CAPN14: variants seen among roughly 807,000 people sequenced by gnomAD.
The protein encoded by CAPN14 is calpain-14.
CAPN14 carries 94 observed loss-of-function variants against 101.3 expected under a neutral mutation model. The ratio of observed to expected loss-of-function variants is 0.93; its 90% CI spans 0.79 to 1.10. The LOEUF (loss-of-function observed/expected upper bound fraction) is 1.10, where lower values mean the gene tolerates loss of function less well. CAPN14 is among the 50% of genes least tolerant of loss of function. The pLI is 0.00. For missense variants in CAPN14, 837 were observed against 828.4 expected (o/e 1.01, Z -0.13); for synonymous variants, 338 against 317.9 (o/e 1.06, Z -0.67).
intron 13 of CAPN14, 75 bp downstream of exon 13, chr2:31,189,198 A>G: frequency 7.4e-7 from 1 of 1,354,012 alleles, no homozygotes; most frequent in Non-Finnish European, 1.0e-6. Flanking sequence ...GGTTTCTGCC[A>G]TTTCCAACCT....
chr2:31,191,935 C>A lies in CAPN14; in HGVS notation c.1278G>T (p.Arg426Ser), dbSNP rs538574900. 5.0e-5 allele frequency: 78 copies of A among 1,548,586 alleles called. 2 individuals are homozygous for A. In the South Asian group the frequency reaches 8.7e-4, roughly 17 times the overall value. The change falls in exon 11 of 22, where the codon AGG (arginine) becomes AGT (serine). Residue 426 changes from arginine (R) to serine (S), a missense_variant and splice_region_variant. Physicochemically the swap from Arg to Ser is moderately radical, Grantham distance 110 (BLOSUM62 -1). Transcript: ENST00000403897. ...PLLAIGFYLY[R>S]MNKYHDDQRR... ...CCCTGTGGTTCAGAGGTCCACCTAC[C>A]CTATACAGGTAGAAGCCAATGGCGA...
At chr2:31,176,712 A>G in intron 20 of CAPN14, 70 bp from the exon 21 acceptor site, 1 of 1,364,290 alleles carries the variant, frequency 7.3e-7, no homozygotes, top group Non-Finnish European at 1.0e-6. Flanking sequence ...AGTTCCTCCC[A>G]TATGTCTCAC....
chr2:31,222,259 A>T (rs1682881858), upstream of CAPN14, among the ~76,000 whole-genome samples: 1 of 152,228 alleles, frequency 6.6e-6, no homozygotes, highest in Non-Finnish European at 1.5e-5. Flanking sequence ...TAAGTCTTTG[A>T]GTCTGGGCTT....
At chr2:31,212,098 T>C (rs1682428298) in intron 1 of CAPN14, among the ~76,000 whole-genome samples, 1 of 152,040 alleles carries the variant, frequency 6.6e-6, no homozygotes. Flanking sequence ...TCACTTGAGG[T>C]CAAGAGTTCA....
intron 3 of CAPN14, among the ~76,000 whole-genome samples, chr2:31,202,608 A>G (rs1474177282): frequency 6.6e-6 from 1 of 152,140 alleles, no homozygotes; most frequent in East Asian, 1.9e-4. Flanking sequence ...TCAATCCTTC[A>G]GGACTCCATT....
intron 16 of CAPN14, among the ~76,000 whole-genome samples, chr2:31,184,780 A>G (rs12477841): frequency 0.33 from 50,771 of 152,092 alleles, 10,058 homozygotes; most frequent in African/African-American, 0.55. Context: ...GGTTTCTAGC[A>G]TTTCCTGGAA....
chr2:31,212,315 A>AAC (rs1553397809), intron 1 of CAPN14, among the ~76,000 whole-genome samples: 4 of 149,078 alleles, frequency 2.7e-5, no homozygotes, highest in African/African-American at 9.9e-5. Flanking sequence ...CTCAAAACAA[A>AAC]AAAAAAAAAA....
chr2:31,222,037 TA>T (rs1682876085), upstream of CAPN14, among the ~76,000 whole-genome samples: 1 of 152,190 alleles, frequency 6.6e-6, no homozygotes, highest in Non-Finnish European at 1.5e-5. Context: ...ATAGCCATCC[TA>T]AGGCTTGCAT....
rs1363090433 is a variant in CAPN14, at chr2:31,230,023, T to C, written c.-176-3372A>G. On this transcript the variant is annotated intron_variant and NMD_transcript_variant, in intron 1 of 21. Coordinates refer to the CAPN14 transcript ENST00000398824. The surrounding 1 kb of genome is among the most constrained non-coding windows in gnomAD (Gnocchi z 4.3). ...CCTCATTTTTCTCATCTGTAGAGTATGTATTTTTTGTAACTTTCATTTTAG... is the reference window on the plus strand; with the variant it reads ...CCTCATTTTTCTCATCTGTAGAGTACGTATTTTTTGTAACTTTCATTTTAG... Among the ~76,000 whole-genome samples, 2 of 152,222 alleles carry C rather than the reference T, an allele frequency of 1.3e-5. No individual in the cohort carries two copies. Among genetic ancestry groups the C allele is most frequent in the African/African-American group, 4.8e-5 (2 of 41,452 alleles).
At position 31,205,487 on chromosome 2, in the gene CAPN14, G is replaced by T. The variant is rs919900443; in HGVS notation, c.-40C>A. The T allele has an allele frequency of 2.0e-6, 3 of 1,465,498 alleles. No individual in the cohort carries two copies. The highest frequency in any genetic ancestry group is 2.8e-5 in the African/African-American group (2 of 71,390). 90.8% of individuals were successfully genotyped at this position (1,465,498 alleles called of 1,614,324 possible). ...ACAGTCCAGTGAGTCTTCCTGAGGAGTCTCTGCTGCTCCTGAAATGGAGAG... is the reference window on the plus strand; with the variant it reads ...ACAGTCCAGTGAGTCTTCCTGAGGATTCTCTGCTGCTCCTGAAATGGAGAG... On this transcript the variant is annotated 5_prime_UTR_variant, in exon 2 of 22. Transcript: ENST00000403897.
intron 8 of CAPN14, 97 bp downstream of exon 8, chr2:31,197,152 G>A (rs895426827): frequency 2.5e-6 from 2 of 809,632 alleles, no homozygotes; most frequent in African/African-American, 3.4e-5. Flanking sequence ...TCCAGCCTAA[G>A]ACCAAAGAAA....
chr2:31,211,824 T>G (rs1193576564), intron 1 of CAPN14, among the ~76,000 whole-genome samples: 1 of 152,146 alleles, frequency 6.6e-6, no homozygotes, highest in Non-Finnish European at 1.5e-5. Flanking sequence ...TGTATTACTT[T>G]TATCATGAGG....
chr2:31,205,566 G>A (rs1572424780), intron 1 of CAPN14, 67 bp from the exon 2 acceptor site: 3 of 808,234 alleles, frequency 3.7e-6, no homozygotes, highest in East Asian at 2.7e-5. Flanking sequence ...CCACAGAGAC[G>A]AGGGGAAGGA....
At position 31,210,986 on chromosome 2, in the gene CAPN14, G is replaced by T. The variant is rs539990716; in HGVS notation, c.-52-5487C>A. 1.2e-4 allele frequency among the ~76,000 whole-genome samples: 19 copies of T among 152,134 alleles called. No homozygotes were observed. In the South Asian group the frequency reaches 3.9e-3, roughly 32 times the overall value. On this transcript the variant is annotated intron_variant, in intron 1 of 21. Coordinates refer to ENST00000403897, the MANE Select transcript of CAPN14 (RefSeq NM_001145122.2). ...TTTAACTATGTCTTTGAGCACATCC[G>T]AATTATTTTCCTAGGATAAATTTGG...
At chr2:31,175,657 G>A (rs1248038401) in intron 21 of CAPN14, among the ~76,000 whole-genome samples, 1 of 152,222 alleles carries the variant, frequency 6.6e-6, no homozygotes, top group African/African-American at 2.4e-5. Context: ...CCCTCCAGTA[G>A]AATCCCACTT....
rs1473672702 is a variant in CAPN14 at position 31,191,939 on chromosome 2, T to C, written c.1274A>G (p.Tyr425Cys). The C allele has an allele frequency of 6.5e-6, 10 of 1,549,656 alleles. No homozygotes were observed. Among genetic ancestry groups the C allele is most frequent in the Admixed American group, 3.9e-5 (2 of 50,842 alleles). Residue 425 changes from tyrosine (Y) to cysteine (C), a missense_variant, in exon 11 of 22, where the codon TAT becomes TGT. Tyr to Cys is a radical substitution (Grantham distance 194). Transcript: ENST00000403897. ...KPLLAIGFYL[Y>C]RMNKYHDDQR... is the part of the protein sequence containing the mutation. Reference sequence around the variant, plus strand: ...GTGGTTCAGAGGTCCACCTACCCTATACAGGTAGAAGCCAATGGCGAGGAG... The same window carrying C: ...GTGGTTCAGAGGTCCACCTACCCTACACAGGTAGAAGCCAATGGCGAGGAG...
In CAPN14 at chr2:31,205,783, T is replaced by C. The variant is rs553642416; in HGVS notation, c.-52-284A>G. Among the ~76,000 whole-genome samples the C allele has an allele frequency of 1.5e-4, 23 of 152,136 alleles. 1 individual carries two copies. The South Asian group carries it at 4.8e-3, about 32-fold the overall frequency. ...AGTCCTGGGCCCCTGACTGCACCAATGTCACGGGGGTCCCTTCTGCTTAGT... is the reference window on the plus strand; with the variant it reads ...AGTCCTGGGCCCCTGACTGCACCAACGTCACGGGGGTCCCTTCTGCTTAGT... On this transcript the variant is annotated intron_variant, in intron 1 of 21. Transcript: ENST00000403897.
At chr2:31,214,085 G>A (rs1423681802) in intron 1 of CAPN14, among the ~76,000 whole-genome samples, 5 of 152,148 alleles carry the variant, frequency 3.3e-5, no homozygotes, top group African/African-American at 4.8e-5. Flanking sequence ...AGGCGAGAAT[G>A]GTATAGGCTT....
rs1206898627 is a variant in CAPN14, at chr2:31,230,684, T to A, written c.-177+3107A>T. 6.6e-6 allele frequency among the ~76,000 whole-genome samples: 1 copy of A among 152,246 alleles called. No individual in the cohort carries two copies. Among genetic ancestry groups the A allele is most frequent in the Non-Finnish European group, 1.5e-5 (1 of 68,044 alleles). ...TTTTGTAGCTCTTGCCAAGTTTTTT[T>A]CTATTGGAATGTTTGTCTTTGTTAT... On this transcript the variant is annotated intron_variant and NMD_transcript_variant, in intron 1 of 21. Coordinates refer to the CAPN14 transcript ENST00000398824. This position sits in a 1 kb window ranked among gnomAD's most constrained non-coding sequence, Gnocchi z 4.3.
Sources: allele counts gnomAD v4.1 joint callset (sites outside exome capture counted in the v4.1 genomes callset), GRCh38; gene constraint gnomAD v4.1.1; non-coding constraint Gnocchi (gnomAD v3.1); transcripts MANE v1.5; gene names NCBI Gene and HGNC (gene_info 2026-07-23, HGNC 2026-07-21).